Variants in RALYL observed in about 807,000 individuals in gnomAD.
RALYL encodes the protein RALY RNA binding protein like, also known as RNA-binding Raly-like protein.
In RALYL, 29 loss-of-function variants were observed where a neutral mutation model predicts 35.1. That is an observed-to-expected ratio of 0.83 (90% CI 0.61 to 1.13). The LOEUF is 1.13. Among genes scored for constraint, RALYL ranks in the 50% most tolerant of loss-of-function variants. RALYL has a pLI of 0.00. For synonymous variants in RALYL, 120 were observed against 127.6 expected (o/e 0.94, Z 0.40); for missense variants, 359 against 360.4 (o/e 1.00, Z 0.03).
chr8:84,639,379 T>A (rs986913638), intron 2 of RALYL, among the ~76,000 whole-genome samples: 2 of 151,900 alleles, frequency 1.3e-5, no homozygotes, highest in Non-Finnish European at 2.9e-5. Flanking sequence ...TAATTTTGTG[T>A]TTTGTTACAA....
intron 1 of RALYL, among the ~76,000 whole-genome samples, chr8:84,205,286 T>A (rs1817801024): frequency 6.6e-6 from 1 of 152,182 alleles, no homozygotes; most frequent in Non-Finnish European, 1.5e-5. Flanking sequence ...TGTAATGATT[T>A]CCAGGGTCCA....
At chr8:84,561,060 A>T (rs1160404028) in intron 2 of RALYL, among the ~76,000 whole-genome samples, 1 of 152,050 alleles carries the variant, frequency 6.6e-6, no homozygotes, top group Non-Finnish European at 1.5e-5. Context: ...AGTTTTATTG[A>T]ATACAATATG....
chr8:84,276,100 A>G (rs985900659), intron 1 of RALYL, among the ~76,000 whole-genome samples: 2 of 152,316 alleles, frequency 1.3e-5, no homozygotes, highest in Non-Finnish European at 2.9e-5. Flanking sequence ...TGTATGTATT[A>G]TAACCTCTGA....
At chr8:84,493,792 T>G (rs2055629400) in intron 1 of RALYL, among the ~76,000 whole-genome samples, 1 of 152,162 alleles carries the variant, frequency 6.6e-6, no homozygotes. Flanking sequence ...CCTTGTAAAT[T>G]CTGTATATTA....
intron 2 of RALYL, among the ~76,000 whole-genome samples, chr8:84,548,169 T>A (rs1334644169): frequency 6.6e-6 from 1 of 152,154 alleles, no homozygotes; most frequent in Non-Finnish European, 1.5e-5. Context: ...ATCCTTTTTA[T>A]CTTTTTTTAA....
chr8:84,830,213 A>T (rs180896006), intron 4 of RALYL, among the ~76,000 whole-genome samples: 2 of 152,314 alleles, frequency 1.3e-5, no homozygotes, highest in East Asian at 1.9e-4. Context: ...TTTCTGAATG[A>T]TCATAAAAAC....
intron 2 of RALYL, among the ~76,000 whole-genome samples, chr8:84,608,823 C>T (rs1161487060): frequency 6.6e-6 from 1 of 152,144 alleles, no homozygotes; most frequent in Non-Finnish European, 1.5e-5. Context: ...TTTAGCTCAG[C>T]AGAAATGTGT....
chr8:84,255,616 A>G (rs1447330911), intron 1 of RALYL, among the ~76,000 whole-genome samples: 1 of 152,076 alleles, frequency 6.6e-6, no homozygotes, highest in Non-Finnish European at 1.5e-5. Context: ...ATTTTTTTTA[A>G]TCACTTGAAC....
At chr8:84,587,511 T>G (rs1375882469) in intron 2 of RALYL, among the ~76,000 whole-genome samples, 1 of 152,234 alleles carries the variant, frequency 6.6e-6, no homozygotes, top group Non-Finnish European at 1.5e-5. Flanking sequence ...ACAAAAAGTA[T>G]GTTGTTTTAA....
chr8:84,441,167 T>A (rs1442641569), intron 1 of RALYL, among the ~76,000 whole-genome samples: 1 of 152,178 alleles, frequency 6.6e-6, no homozygotes, highest in Non-Finnish European at 1.5e-5. Context: ...CTTGGAATTA[T>A]AAATTTGTAC....
At chr8:84,676,405 C>G (rs191694870) in intron 2 of RALYL, among the ~76,000 whole-genome samples, 116 of 152,260 alleles carry the variant, frequency 7.6e-4, no homozygotes, top group Admixed American at 2.2e-3. Context: ...TAGGCATAAC[C>G]CCTTTTTTCC....
chr8:84,627,641 T>A (rs1823028799), intron 2 of RALYL, among the ~76,000 whole-genome samples: 2 of 151,722 alleles, frequency 1.3e-5, no homozygotes, highest in African/African-American at 2.4e-5. Context: ...CTTTCACTTC[T>A]TTCTCTGTAT....
intron 2 of RALYL, chr8:84,679,636 T>A (rs932135439): frequency 8.3e-6 from 4 of 481,010 alleles, no homozygotes; most frequent in African/African-American, 6.0e-5. Flanking sequence ...CTCAGTTTGA[T>A]GATGGTGCTG....
At chr8:84,369,672 A>G (rs1490311992) in intron 1 of RALYL, among the ~76,000 whole-genome samples, 2 of 152,090 alleles carry the variant, frequency 1.3e-5, no homozygotes, top group Admixed American at 1.3e-4. Flanking sequence ...CTGCAAATGA[A>G]CTAGCTGAAT....
intron 1 of RALYL, among the ~76,000 whole-genome samples, chr8:84,423,097 G>T (rs1342271695): frequency 1.1e-4 from 16 of 150,280 alleles, no homozygotes; most frequent in African/African-American, 3.7e-4. Flanking sequence ...CAATTCCTGG[G>T]TATCCTTGTT....
At chr8:84,839,808 A>T (rs1832817098) in intron 4 of RALYL, among the ~76,000 whole-genome samples, 1 of 152,216 alleles carries the variant, frequency 6.6e-6, no homozygotes, top group African/African-American at 2.4e-5. Context: ...TTTGCTGCTC[A>T]CCAATATCTG....
In RALYL at chr8:84,697,319, A is replaced by C. The variant is rs531000269; in HGVS notation, c.257-77260A>C. Among the ~76,000 whole-genome samples, 5 of 152,156 alleles carry C rather than the reference A, an allele frequency of 3.3e-5. No individual in the cohort carries two copies. In the East Asian group the frequency reaches 9.7e-4, roughly 29 times the overall value. ...TTAAGCATTATATTTTTAAACTATG[A>C]ATAAATCTTCTTAATGTCTAGACCA... On this transcript the variant is annotated intron_variant, in intron 2 of 8. Transcript: ENST00000521268.
intron 2 of RALYL, among the ~76,000 whole-genome samples, chr8:84,611,992 TC>T (rs1818407392): frequency 6.6e-6 from 1 of 152,054 alleles, no homozygotes; most frequent in Non-Finnish European, 1.5e-5. Flanking sequence ...AATTTACTGT[TC>T]CGGTTTTTTT....
intron 1 of RALYL, among the ~76,000 whole-genome samples, chr8:84,470,288 T>C (rs960356824): frequency 7.9e-5 from 12 of 152,202 alleles, no homozygotes; most frequent in Admixed American, 2.6e-4. Flanking sequence ...GCCTACACTA[T>C]CATTTTTGGA....
Sources: gnomAD v4.1 joint callset for allele counts (sites outside exome capture counted in the v4.1 genomes callset) on GRCh38, gnomAD v4.1.1 for gene constraint, MANE v1.5 for transcripts, NCBI Gene and HGNC (gene_info 2026-07-23, HGNC 2026-07-21) for gene names.